Variants in DCBLD2 observed in about 807,000 individuals in gnomAD.
DCBLD2 encodes the protein discoidin, CUB and LCCL domain-containing protein 2.
In DCBLD2, 54 loss-of-function variants were observed where a neutral mutation model predicts 86.8. The observed-to-expected ratio is 0.62, with a 90% confidence interval of 0.50 to 0.78. DCBLD2 has a LOEUF of 0.78. Ranked by LOEUF, DCBLD2 falls within the 30% of genes least tolerant of loss-of-function variation. The pLI, the probability that DCBLD2 is intolerant of heterozygous loss-of-function variation, is 0.00. For synonymous variants in DCBLD2, 354 were observed against 341.3 expected, an observed-to-expected ratio of 1.04 and a Z score of -0.41; for missense variants, 908 against 954.2, an observed-to-expected ratio of 0.95 and a Z score of 0.64.
At chr3:98,802,645 T>A (rs550753211) in intron 13 of DCBLD2, among the ~76,000 whole-genome samples, 2 of 152,296 alleles carry the variant, frequency 1.3e-5, no homozygotes, top group South Asian at 4.1e-4. Flanking sequence ...CTGAATGGTA[T>A]TGCCTAGGTT....
rs1941679258 is a variant in DCBLD2 at position 98,799,660 on chromosome 3, T to C, written c.2040A>G (p.Pro680=). The change falls in exon 16 of 16, where the codon CCA becomes CCG. Residue 680 remains proline, a synonymous_variant. Coordinates refer to ENST00000326840, the MANE Select transcript of DCBLD2 (RefSeq NM_080927.4). Reference sequence around the variant, plus strand: ...GGTGCCCTGACATGTCCATGATGATTGGGGTTGCATACTCAGGCCCCGTAA... The same window carrying C: ...GGTGCCCTGACATGTCCATGATGATCGGGGTTGCATACTCAGGCCCCGTAA... ...LPITGPEYAT[P]IIMDMSGHPT... is the part of the protein sequence containing the mutation. 1 of 1,613,964 alleles carries C rather than the reference T, an allele frequency of 6.2e-7. No homozygotes were observed. Among genetic ancestry groups the C allele is most frequent in the Non-Finnish European group, 8.5e-7 (1 of 1,179,876 alleles).
intron 12 of DCBLD2, among the ~76,000 whole-genome samples, chr3:98,810,040 C>G (rs1941911190): frequency 6.6e-6 from 1 of 152,170 alleles, no homozygotes; most frequent in South Asian, 2.1e-4. Context: ...CAGGAGGTCT[C>G]TGAGAAGACC....
At chr3:98,861,290 C>T (rs1303779006) in intron 2 of DCBLD2, among the ~76,000 whole-genome samples, 1 of 142,368 alleles carries the variant, frequency 7.0e-6, no homozygotes, top group Non-Finnish European at 1.6e-5. Flanking sequence ...ACTTTTAACA[C>T]CCCACTGTCA....
chr3:98,854,788 C>T (rs748339753), intron 2 of DCBLD2, among the ~76,000 whole-genome samples: 23 of 152,066 alleles, frequency 1.5e-4, no homozygotes, highest in Admixed American at 1.4e-3. Flanking sequence ...AGTGAATAAA[C>T]GCTGCAAGGG....
rs1429697885 is a variant in DCBLD2, at chr3:98,798,486, A to G, written c.*886T>C. On this transcript the variant is annotated 3_prime_UTR_variant, in exon 16 of 16. Coordinates refer to ENST00000326840, the MANE Select transcript of DCBLD2 (RefSeq NM_080927.4). ...TTCCCTTAGAAGCCTTCAACTTTTC[A>G]TAACTCTCCTAGGAAAAATCCCATT... The G allele has an allele frequency of 1.3e-5, 2 of 152,210 alleles. No homozygotes were observed. Among genetic ancestry groups the G allele is most frequent in the African/African-American group, 2.4e-5 (1 of 41,464 alleles). 9.4% of individuals were successfully genotyped at this position (152,210 alleles called of 1,614,324 possible). A position where few individuals can be genotyped will look rare whatever the true frequency, so the allele number is the denominator to read the frequency against.
chr3:98,871,435 A>T (rs1349989250), intron 2 of DCBLD2, among the ~76,000 whole-genome samples: 1 of 152,008 alleles, frequency 6.6e-6, no homozygotes, highest in Non-Finnish European at 1.5e-5. Context: ...TATGGCTTTT[A>T]TTATTTTAAG....
intron 2 of DCBLD2, among the ~76,000 whole-genome samples, chr3:98,857,072 G>A (rs1216672192): frequency 6.6e-6 from 1 of 152,202 alleles, no homozygotes; most frequent in Admixed American, 6.5e-5. Context: ...CTGATGTTCG[G>A]ATGTGTTTGG....
intron 1 of DCBLD2, among the ~76,000 whole-genome samples, chr3:98,892,404 AAC>A (rs765630461): frequency 1.3e-4 from 20 of 152,090 alleles, no homozygotes; most frequent in Non-Finnish European, 2.9e-5. Context: ...GCAGTTTCCC[AAC>A]AGTTTTAATA....
chr3:98,881,452 C>T, intron 2 of DCBLD2, 88 bp downstream of exon 2: 1 of 1,231,834 alleles, frequency 8.1e-7, no homozygotes. Flanking sequence ...GCACCTTACA[C>T]TGCATGGTTA....
Position 98,901,401 on chromosome 3 carries a change from C to G in DCBLD2, c.-75G>C, listed in dbSNP as rs565534793. 1.0e-5 allele frequency: 13 copies of G among 1,246,802 alleles called. No individual in the cohort carries two copies. In the South Asian group the frequency reaches 4.3e-4, roughly 41 times the overall value. 77.2% of individuals were successfully genotyped at this position (1,246,802 alleles called of 1,614,324 possible). ...GCGCGCCTCTGGCCGCGGCACCCGA[C>G]CAGGAGACGGCGGCAGCGGCGGGAG... On this transcript the variant is annotated 5_prime_UTR_variant, in exon 1 of 16. Transcript: ENST00000326840.
At chr3:98,888,945 C>G (rs1250275838) in intron 1 of DCBLD2, among the ~76,000 whole-genome samples, 1 of 151,978 alleles carries the variant, frequency 6.6e-6, no homozygotes, top group East Asian at 1.9e-4. Context: ...TGGTTACAGT[C>G]TCCTGACCTC....
chr3:98,891,824 C>T (rs1488036727), intron 1 of DCBLD2, among the ~76,000 whole-genome samples: 2 of 152,148 alleles, frequency 1.3e-5, no homozygotes, highest in African/African-American at 4.8e-5. Flanking sequence ...TAGCAAATAC[C>T]TACTCAATGT....
At chr3:98,889,429 G>A (rs1576205939) in intron 1 of DCBLD2, among the ~76,000 whole-genome samples, 1 of 151,738 alleles carries the variant, frequency 6.6e-6, no homozygotes, top group African/African-American at 2.4e-5. Flanking sequence ...CTGAAACTTG[G>A]AAATAGGGTA....
chr3:98,867,594 A>G (rs1009122522), intron 2 of DCBLD2, among the ~76,000 whole-genome samples: 1 of 152,226 alleles, frequency 6.6e-6, no homozygotes, highest in African/African-American at 2.4e-5. Context: ...GAAAACCTGT[A>G]ATGATCAACT....
chr3:98,870,298 T>C (rs902532232), intron 2 of DCBLD2, among the ~76,000 whole-genome samples: 2 of 152,194 alleles, frequency 1.3e-5, no homozygotes, highest in Non-Finnish European at 2.9e-5. Context: ...CATTGGTATA[T>C]GTGTCTATTT....
chr3:98,893,185 T>C (rs1185820316), intron 1 of DCBLD2, among the ~76,000 whole-genome samples: 1 of 152,144 alleles, frequency 6.6e-6, no homozygotes, highest in East Asian at 1.9e-4. Flanking sequence ...TTTGACATAT[T>C]GATTCATTCA....
intron 3 of DCBLD2, among the ~76,000 whole-genome samples, chr3:98,845,889 A>G (rs1046940336): frequency 2.6e-5 from 4 of 152,184 alleles, no homozygotes; most frequent in Admixed American, 2.6e-4. Flanking sequence ...TCTCAGCTTA[A>G]AAGTGACTTC....
intron 13 of DCBLD2, 26 bp downstream of exon 13, chr3:98,808,055 C>T (rs780195068): frequency 4.7e-6 from 7 of 1,493,720 alleles, no homozygotes; most frequent in East Asian, 2.5e-5. Context: ...TAGTTTTGGA[C>T]TCAGGTGAAC....
chr3:98,881,969 G>C (rs1042141506), intron 1 of DCBLD2, among the ~76,000 whole-genome samples: 7 of 152,030 alleles, frequency 4.6e-5, no homozygotes, highest in African/African-American at 1.7e-4. Flanking sequence ...ATGATGTATA[G>C]TGATCAGATC....
Sources: gnomAD v4.1 joint callset for allele counts (sites outside exome capture counted in the v4.1 genomes callset) on GRCh38, gnomAD v4.1.1 for gene constraint, MANE v1.5 for transcripts, NCBI Gene and HGNC (gene_info 2026-07-23, HGNC 2026-07-21) for gene names.